RAB11FIP3: variants seen among roughly 807,000 people sequenced by gnomAD.
The protein encoded by RAB11FIP3 is rab11 family-interacting protein 3.
Under a neutral mutation model 77.8 loss-of-function variants are expected in RAB11FIP3, and 17 were observed. The ratio of observed to expected loss-of-function variants is 0.22; its 90% CI spans 0.15 to 0.33. The LOEUF (loss-of-function observed/expected upper bound fraction) is 0.33. RAB11FIP3 is among the 10% of genes least tolerant of loss of function. RAB11FIP3 has a pLI of 1.00. For synonymous variants in RAB11FIP3, 437 were observed against 448.2 expected (o/e 0.98, Z 0.31); for missense variants, 1,005 against 1,011.2 (o/e 0.99, Z 0.08).
At chr16:438,952 G>C (rs1241470538) in intron 1 of RAB11FIP3, among the ~76,000 whole-genome samples, 4 of 152,206 alleles carry the variant, frequency 2.6e-5, no homozygotes, top group Admixed American at 2.6e-4. Context: ...CACCCAAAGT[G>C]CTGGGATTAT....
Position 514,418 on chromosome 16 carries a change from G to A in RAB11FIP3, c.1640+3618G>A, listed in dbSNP as rs1238927392. On this transcript the variant is annotated intron_variant, in intron 9 of 13. Coordinates refer to ENST00000262305, the MANE Select transcript of RAB11FIP3 (RefSeq NM_014700.4). This position sits in a 1 kb window ranked among gnomAD's most constrained non-coding sequence, Gnocchi z 4.6. ...TGGAGGCAGGACTCCCAGCACCTGC[G>A]TCGGAACCTCCTGGGAACAGCAGGG... Among the ~76,000 whole-genome samples the A allele has an allele frequency of 5.3e-5, 8 of 152,232 alleles. No homozygotes were observed. Among genetic ancestry groups the A allele is most frequent in the African/African-American group, 9.6e-5 (4 of 41,454 alleles).
chr16:451,162 C>G (rs902587870), intron 1 of RAB11FIP3, among the ~76,000 whole-genome samples: 1 of 151,890 alleles, frequency 6.6e-6, no homozygotes. Flanking sequence ...TGAATTGTAC[C>G]CTTCAGATGG....
intron 5 of RAB11FIP3, among the ~76,000 whole-genome samples, chr16:490,847 T>G (rs2030109148): frequency 6.6e-6 from 1 of 152,228 alleles, no homozygotes; most frequent in African/African-American, 2.4e-5. Flanking sequence ...AAGGAGGCTC[T>G]CAGGCTGCCC....
intron 5 of RAB11FIP3, among the ~76,000 whole-genome samples, chr16:492,506 G>A (rs1328956292): frequency 4.6e-5 from 5 of 109,548 alleles, no homozygotes; most frequent in Non-Finnish European, 1.1e-4. Context: ...ACCCGAGGCC[G>A]CCCAGGGCCC....
intron 3 of RAB11FIP3, among the ~76,000 whole-genome samples, chr16:478,349 C>T (rs1034765928): frequency 6.6e-6 from 1 of 152,024 alleles, no homozygotes. Flanking sequence ...CGTGCCACCA[C>T]GCCTGGCTAA....
chr16:522,249 T>TAG lies in RAB11FIP3; in HGVS notation c.*1411_*1412insGA, dbSNP rs1443228420. The TAG allele has an allele frequency of 7.7e-6, 1 of 130,168 alleles. No homozygotes were observed. Among genetic ancestry groups the TAG allele is most frequent in the Non-Finnish European group, 1.6e-5 (1 of 62,704 alleles). The allele number at this position is 130,168 out of a possible 1,614,324, so 8.1% of individuals were successfully genotyped here. A position where few individuals can be genotyped will look rare whatever the true frequency, so the allele number is the denominator to read the frequency against. The stretch of plus-strand genomic sequence containing the variant: ...GAAAACTGTGTATACACATGAAATA[T>TAG]ATATATATATATATATATATATATG... On this transcript the variant is annotated 3_prime_UTR_variant, in exon 14 of 14. Transcript: ENST00000262305.
In RAB11FIP3 at chr16:507,748, G is replaced by A. The variant is rs981541403; in HGVS notation, c.1499+2121G>A. 1.3e-5 allele frequency among the ~76,000 whole-genome samples: 2 copies of A among 152,204 alleles called. No individual in the cohort carries two copies. The highest frequency in any genetic ancestry group is 2.4e-5 in the African/African-American group (1 of 41,446). ...CAACGTCCTAAACAACACGTTTCCC[G>A]TTTTCAGTATCATCTGCCCGTTCTG... On this transcript the variant is annotated intron_variant, in intron 8 of 13. Coordinates refer to ENST00000262305, the MANE Select transcript of RAB11FIP3 (RefSeq NM_014700.4). This position sits in a 1 kb window ranked among gnomAD's most constrained non-coding sequence, Gnocchi z 4.6.
chr16:474,925 C>T, intron 3 of RAB11FIP3: 2 of 1,543,216 alleles, frequency 1.3e-6, no homozygotes, highest in East Asian at 2.5e-5. Context: ...ACAGGCTTTG[C>T]AGAAACCCCA....
At position 431,222 on chromosome 16, in the gene RAB11FIP3, ATG is replaced by A. The variant is rs566109008; in HGVS notation, c.714+4509_714+4510del. 2.0e-3 allele frequency among the ~76,000 whole-genome samples: 302 copies of A among 152,178 alleles called. 2 individuals carry two copies. The highest frequency in any genetic ancestry group is 7.0e-3 in the African/African-American group (291 of 41,506). ...TTTGTGTGTAAGTGGCATATTATGT[ATG>A]TGTGTGAGCAGGTGAGTGTATGTAT... On this transcript the variant is annotated intron_variant, in intron 1 of 13. Coordinates refer to ENST00000262305, the MANE Select transcript of RAB11FIP3 (RefSeq NM_014700.4).
intron 1 of RAB11FIP3, among the ~76,000 whole-genome samples, chr16:439,812 T>C (rs2055194670): frequency 6.6e-6 from 1 of 151,852 alleles, no homozygotes. Flanking sequence ...GGGAGGGGCT[T>C]CCAGGTCACA....
intron 4 of RAB11FIP3, among the ~76,000 whole-genome samples, chr16:488,202 A>C (rs1449820970): frequency 6.6e-6 from 1 of 152,040 alleles, no homozygotes; most frequent in Non-Finnish European, 1.5e-5. Flanking sequence ...AACACGGTGA[A>C]ACCCCGTCTC....
rs183391639 is a variant in RAB11FIP3 at position 506,786 on chromosome 16, C to T, written c.1499+1159C>T. Among the ~76,000 whole-genome samples, 195 of 152,316 alleles carry T rather than the reference C, an allele frequency of 1.3e-3. 2 individuals carry two copies. Among genetic ancestry groups the T allele is most frequent in the African/African-American group, 4.6e-3 (190 of 41,572 alleles). The stretch of plus-strand genomic sequence containing the variant: ...GAAGACCCTGGGCTTGGCGGCTGCC[C>T]GTTCTCCAGGATTCTCAGCAGAAGA... On this transcript the variant is annotated intron_variant, in intron 8 of 13. Transcript: ENST00000262305. The surrounding 1 kb of genome is among the most constrained non-coding windows in gnomAD (Gnocchi z 4.5).
In RAB11FIP3 at chr16:509,791, G is replaced by A. The variant is rs185919916; in HGVS notation, c.1500-869G>A. Reference sequence around the variant, plus strand: ...TGGCCCCTCACAGCCTCTGGGGCCCGGATGTGCCCAGCTGCCAGAGCCAGA... The same window carrying A: ...TGGCCCCTCACAGCCTCTGGGGCCCAGATGTGCCCAGCTGCCAGAGCCAGA... On this transcript the variant is annotated intron_variant, in intron 8 of 13. Transcript: ENST00000262305. 3.9e-5 allele frequency among the ~76,000 whole-genome samples: 6 copies of A among 152,204 alleles called. No homozygotes were observed. In the East Asian group the frequency reaches 5.8e-4, roughly 15 times the overall value.
At chr16:457,251 T>A (rs2055519392) in intron 1 of RAB11FIP3, among the ~76,000 whole-genome samples, 1 of 152,200 alleles carries the variant, frequency 6.6e-6, no homozygotes, top group South Asian at 2.1e-4. Flanking sequence ...TCTGCTTTCC[T>A]TTCTTTCAGA....
chr16:511,741 A>C (rs8059519), intron 9 of RAB11FIP3, among the ~76,000 whole-genome samples: 6,782 of 52,244 alleles, frequency 0.13, 686 homozygotes, highest in African/African-American at 0.37. Context: ...TTCTTGACAG[A>C]CCGCCCACCC....
At chr16:438,836 C>T (rs949741621) in intron 1 of RAB11FIP3, among the ~76,000 whole-genome samples, 29 of 152,094 alleles carry the variant, frequency 1.9e-4, no homozygotes, top group African/African-American at 6.5e-4. Flanking sequence ...ACTACTGGCA[C>T]GCGCCACCAC....
intron 2 of RAB11FIP3, among the ~76,000 whole-genome samples, chr16:462,647 C>CATCCCTTTCCCAGCACG (rs2055629199): frequency 6.8e-6 from 1 of 147,650 alleles, no homozygotes; most frequent in African/African-American, 2.5e-5. Flanking sequence ...TCCCCAGCAC[C>CATCCCTTTCCCAGCACG]ATCCCTTCCG....
At chr16:517,975 G>T (rs73481325) in intron 9 of RAB11FIP3, among the ~76,000 whole-genome samples, 1 of 152,124 alleles carries the variant, frequency 6.6e-6, no homozygotes, top group East Asian at 1.9e-4. Context: ...CCAGCTACTC[G>T]GGAGGCTGAG....
At chr16:442,027 A>T (rs2055236087) in intron 1 of RAB11FIP3, among the ~76,000 whole-genome samples, 1 of 152,020 alleles carries the variant, frequency 6.6e-6, no homozygotes, top group African/African-American at 2.4e-5. Context: ...TTTAGTAGAG[A>T]CGGGGTTTCA....
Sources: allele counts gnomAD v4.1 joint callset (sites outside exome capture counted in the v4.1 genomes callset), GRCh38; gene constraint gnomAD v4.1.1; non-coding constraint Gnocchi (gnomAD v3.1); transcripts MANE v1.5; gene names NCBI Gene and HGNC (gene_info 2026-07-23, HGNC 2026-07-21).